Variants in MAU2 observed in about 807,000 individuals in gnomAD.
The protein encoded by MAU2 is MAU2 chromatid cohesion factor homolog.
MAU2 carries 9 observed loss-of-function variants against 89.1 expected under a neutral mutation model. The observed-to-expected ratio is 0.10, with a 90% CI of 0.06 to 0.18. MAU2 has a LOEUF of 0.18. MAU2 is among the 10% of genes least tolerant of loss of function. MAU2 has a pLI of 1.00. For synonymous variants in MAU2, 357 were observed against 343.4 expected (o/e 1.04, Z -0.44); for missense variants, 425 against 803.5 (o/e 0.53, Z 5.69).
intron 16 of MAU2, among the ~76,000 whole-genome samples, chr19:19,351,469 A>G (rs1402206460): frequency 4.3e-5 from 4 of 93,104 alleles, no homozygotes; most frequent in African/African-American, 1.7e-4. Context: ...CAGGAATTCA[A>G]TATCAGCCTG....
At chr19:19,334,506 C>A in intron 1 of MAU2, 2 of 986,038 alleles carry the variant, frequency 2.0e-6, no homozygotes, top group Non-Finnish European at 2.4e-6. Flanking sequence ...AGGCTGCCCC[C>A]AGCCGTGGAT....
intron 16 of MAU2, chr19:19,354,110 A>C: frequency 1.8e-6 from 1 of 551,276 alleles, no homozygotes; most frequent in Non-Finnish European, 3.3e-6. Flanking sequence ...AAAGTTGTCC[A>C]TTGGCCATGC....
At chr19:19,343,480 A>G (rs983241725) in intron 9 of MAU2, among the ~76,000 whole-genome samples, 2 of 151,394 alleles carry the variant, frequency 1.3e-5, no homozygotes, top group Non-Finnish European at 3.0e-5. Flanking sequence ...AGGTCCCCCT[A>G]CCCGACTGCC....
chr19:19,354,295 G>T, intron 16 of MAU2, 60 bp from the exon 17 acceptor site: 6 of 1,376,450 alleles, frequency 4.4e-6, no homozygotes, highest in Non-Finnish European at 6.2e-6. Flanking sequence ...CCCAACCTGG[G>T]CTGGGTTCGG....
At chr19:19,328,693 T>C (rs1004547821) in intron 1 of MAU2, among the ~76,000 whole-genome samples, 4 of 152,174 alleles carry the variant, frequency 2.6e-5, no homozygotes, top group Admixed American at 2.6e-4. Context: ...AGTGCTGGGA[T>C]TACAGGCGTG....
Position 19,347,327 on chromosome 19 carries a change from G to A in MAU2, c.1269G>A (p.Ala423=), listed in dbSNP as rs373621181. The change falls in exon 13 of 19, where the codon GCG becomes GCA. Residue 423 remains alanine (A), a synonymous_variant. Coordinates refer to ENST00000262815, the MANE Select transcript of MAU2 (RefSeq NM_015329.4). ...GGGCCTTCATCGTCACCAACCTGGCGAGTGTGTATATACGGGAAGGAAATA... is the reference window on the plus strand; with the variant it reads ...GGGCCTTCATCGTCACCAACCTGGCAAGTGTGTATATACGGGAAGGAAATA... ...ELWAFIVTNL[A]SVYIREGNRH... is the part of the protein sequence containing the mutation. 5.0e-6 allele frequency: 8 copies of A among 1,613,870 alleles called. No homozygotes were observed. In the East Asian group the frequency reaches 6.7e-5, roughly 13 times the overall value.
At position 19,338,822 on chromosome 19, in the gene MAU2, TCACTG is replaced by T; in HGVS notation, c.457-21_457-17del. On this transcript the variant is annotated intron_variant, in intron 4 of 18. Coordinates refer to ENST00000262815, the MANE Select transcript of MAU2 (RefSeq NM_015329.4). ...AAACTGATGGGTTTGGCAGCAAAGG[TCACTG>T]CTCTCTTTCCTTTTTAGCAACTGCA... The T allele has an allele frequency of 6.3e-7, 1 of 1,585,616 alleles. No individual in the cohort carries two copies.
chr19:19,325,626 T>C (rs1180976900), intron 1 of MAU2, among the ~76,000 whole-genome samples: 2 of 152,112 alleles, frequency 1.3e-5, no homozygotes, highest in African/African-American at 4.8e-5. Context: ...ATTACAGGCA[T>C]GTGCCACCAT....
intron 7 of MAU2, among the ~76,000 whole-genome samples, chr19:19,342,039 G>A (rs889120863): frequency 3.3e-5 from 5 of 152,186 alleles, no homozygotes; most frequent in Admixed American, 2.6e-4. Context: ...CCCATTGGGT[G>A]AAGCACTGCA....
intron 1 of MAU2, among the ~76,000 whole-genome samples, chr19:19,331,830 T>C (rs906903232): frequency 6.6e-6 from 1 of 152,220 alleles, no homozygotes; most frequent in Non-Finnish European, 1.5e-5. Context: ...GGGAATTGAC[T>C]GGCTCACCCT....
chr19:19,354,077 T>C, intron 16 of MAU2: 1 of 492,828 alleles, frequency 2.0e-6, no homozygotes, highest in South Asian at 2.1e-5. Flanking sequence ...GCTTTTTCTC[T>C]GCTTGAACAG....
At chr19:19,336,224 T>G (rs1172579857) in intron 3 of MAU2, 37 bp downstream of exon 3, 1 of 1,467,772 alleles carries the variant, frequency 6.8e-7, no homozygotes, top group South Asian at 1.1e-5. Flanking sequence ...GCAAAGTGTC[T>G]CTCCGTGTCG....
chr19:19,354,501 C>A, intron 17 of MAU2, 56 bp downstream of exon 17: 1 of 1,488,016 alleles, frequency 6.7e-7, no homozygotes, highest in Non-Finnish European at 9.3e-7. Context: ...CCCCAGAGAT[C>A]AAGGCTGCTG....
chr19:19,343,958 A>G lies in MAU2; in HGVS notation c.1077+18A>G. 1.3e-6 allele frequency: 2 copies of G among 1,597,776 alleles called. No homozygotes were observed. The highest frequency in any genetic ancestry group is 1.7e-6 in the Non-Finnish European group (2 of 1,170,214). The stretch of plus-strand genomic sequence containing the variant: ...TGCAGGAGGTAAGGCTGGAAGCAGG[A>G]GGGGCGGGAAGGCCCAGGAGTTTGT... On this transcript the variant is annotated intron_variant, in intron 10 of 18. Transcript: ENST00000262815.
intron 16 of MAU2, among the ~76,000 whole-genome samples, chr19:19,349,999 T>A (rs76851946): frequency 1.3e-5 from 2 of 149,098 alleles, no homozygotes; most frequent in East Asian, 1.9e-4. Flanking sequence ...TTTTTTTTTT[T>A]AAGAAGATAT....
intron 1 of MAU2, among the ~76,000 whole-genome samples, chr19:19,332,130 A>G (rs886205683): frequency 1.3e-5 from 2 of 152,200 alleles, no homozygotes; most frequent in African/African-American, 4.8e-5. Flanking sequence ...TGCTGCAGGC[A>G]TTGCAGCCAC....
chr19:19,346,498 C>T (rs888579919), intron 12 of MAU2, among the ~76,000 whole-genome samples: 5 of 152,174 alleles, frequency 3.3e-5, no homozygotes, highest in Admixed American at 2.0e-4. Flanking sequence ...CAAACACACA[C>T]GCCTCCTGTG....
intron 1 of MAU2, chr19:19,321,449 A>T (rs989358206): frequency 3.2e-6 from 1 of 311,896 alleles, no homozygotes; most frequent in African/African-American, 2.2e-5. Context: ...TTTCAGGAGG[A>T]TCCCACCTGT....
chr19:19,340,762 G>A (rs2061638109), intron 5 of MAU2, 84 bp from the exon 6 acceptor site: 5 of 1,473,318 alleles, frequency 3.4e-6, no homozygotes, highest in South Asian at 1.2e-5. Flanking sequence ...GGCATATTAG[G>A]TCCTGTGAGC....
Sources: allele counts gnomAD v4.1 joint callset (sites outside exome capture counted in the v4.1 genomes callset), GRCh38; gene constraint gnomAD v4.1.1; transcripts MANE v1.5; gene names NCBI Gene and HGNC (gene_info 2026-07-23, HGNC 2026-07-21).